DPP10: variants seen among roughly 807,000 people sequenced by gnomAD.
The protein encoded by DPP10 is dipeptidyl peptidase like 10, also known as inactive dipeptidyl peptidase 10.
In DPP10, 33 loss-of-function variants were observed where a neutral mutation model predicts 120.9. That is an observed-to-expected ratio of 0.27 (90% CI 0.21 to 0.37). The LOEUF is 0.37. Among genes scored for constraint, DPP10 ranks in the 10% least tolerant of loss-of-function variants. The pLI, the probability that DPP10 is intolerant of heterozygous loss-of-function variation, is 1.00. For synonymous variants in DPP10, 337 were observed against 326.1 expected, an observed-to-expected ratio of 1.03 and a Z score of -0.36; for missense variants, 816 against 942.8, an observed-to-expected ratio of 0.87 and a Z score of 1.76.
chr2:115,343,860 C>T lies in DPP10; in HGVS notation c.219C>T (p.Asp73=), dbSNP rs1209947001. The T allele has an allele frequency of 1.9e-6, 3 of 1,611,662 alleles. No homozygotes were observed. In the African/African-American group the frequency reaches 4.0e-5, roughly 22 times the overall value. Residue 73 remains aspartate (D), a synonymous_variant, in exon 3 of 26, where the codon GAC becomes GAT. Transcript: ENST00000410059. ...NSSETRLSLE[D]LFRKDFVLHD... ...CAGAAACCAGATTGTCTTTGGAAGA[C>T]CTCTTTAGGAAAGACTTTGTGCTTC...
At chr2:115,268,456 C>G (rs1366150811) in intron 1 of DPP10, among the ~76,000 whole-genome samples, 1 of 152,166 alleles carries the variant, frequency 6.6e-6, no homozygotes, top group Admixed American at 6.5e-5. Flanking sequence ...AAGAAACCAT[C>G]ATGCGACTTC....
Position 114,960,385 on chromosome 2 carries a change from T to TATATAC in DPP10, c.61-348853_61-348852insTATACA, listed in dbSNP as rs1015822193. 1.7e-3 allele frequency among the ~76,000 whole-genome samples: 260 copies of TATATAC among 150,112 alleles called. 5 individuals are homozygous for TATATAC. Among genetic ancestry groups the TATATAC allele is most frequent in the African/African-American group, 6.0e-3 (247 of 41,032 alleles). On this transcript the variant is annotated intron_variant, in intron 1 of 25. Coordinates refer to ENST00000410059, the MANE Select transcript of DPP10 (RefSeq NM_020868.6). Reference sequence around the variant, plus strand: ...ATGTGCGTATATATATATATATATATACTTTTGTTGGATGGAATATGACCA... The same window carrying TATATAC: ...ATGTGCGTATATATATATATATATATATATACACTTTTGTTGGATGGAATATGACCA...
intron 1 of DPP10, among the ~76,000 whole-genome samples, chr2:114,961,350 G>C (rs1698616917): frequency 6.6e-6 from 1 of 151,960 alleles, no homozygotes; most frequent in Non-Finnish European, 1.5e-5. Flanking sequence ...CACTGCGCCT[G>C]GCCCTGTATG....
chr2:115,678,390 G>A (rs945302717), intron 5 of DPP10, among the ~76,000 whole-genome samples: 2 of 152,246 alleles, frequency 1.3e-5, no homozygotes, highest in South Asian at 2.1e-4. Flanking sequence ...AGGGGCCGCG[G>A]CACAGCTCTG....
intron 1 of DPP10, among the ~76,000 whole-genome samples, chr2:114,940,854 TG>T (rs1558901947): frequency 6.6e-6 from 1 of 152,226 alleles, no homozygotes. Context: ...TTCTACTCTC[TG>T]GCCTCTTAAA....
chr2:114,667,077 C>A (rs1213935739), intron 1 of DPP10, among the ~76,000 whole-genome samples: 1 of 152,140 alleles, frequency 6.6e-6, no homozygotes, highest in Non-Finnish European at 1.5e-5. Context: ...AGACACTATG[C>A]AAATGTGTGA....
chr2:115,572,160 A>G (rs1258084395), intron 5 of DPP10, among the ~76,000 whole-genome samples: 4 of 152,180 alleles, frequency 2.6e-5, no homozygotes, highest in Non-Finnish European at 5.9e-5. Flanking sequence ...ACTTAACAAT[A>G]AATGCATTTT....
chr2:114,938,729 C>CTT (rs5833569), intron 1 of DPP10, among the ~76,000 whole-genome samples: 488 of 102,550 alleles, frequency 4.8e-3, no homozygotes, highest in African/African-American at 0.016. Context: ...CACTTTGTCC[C>CTT]TTTTTTTTTT....
At chr2:114,665,249 G>T (rs1474698352) in intron 1 of DPP10, among the ~76,000 whole-genome samples, 1 of 152,202 alleles carries the variant, frequency 6.6e-6, no homozygotes, top group Non-Finnish European at 1.5e-5. Flanking sequence ...CCAAGTTAAA[G>T]AAGTGAGATA....
At chr2:115,825,025 A>G (rs1444202037) in intron 21 of DPP10, among the ~76,000 whole-genome samples, 1 of 152,230 alleles carries the variant, frequency 6.6e-6, no homozygotes. Flanking sequence ...GTCTTTTTAC[A>G]TCCAATTTTA....
intron 1 of DPP10, among the ~76,000 whole-genome samples, chr2:115,133,139 GTGTGTGTA>G (rs70941031): frequency 0.28 from 18,102 of 65,514 alleles, 1,028 homozygotes; most frequent in Non-Finnish European, 0.35. Context: ...GTGTGTGTGT[GTGTGTGTA>G]TATATATATA....
At chr2:114,479,871 A>C (rs544659884) in intron 1 of DPP10, among the ~76,000 whole-genome samples, 1,707 of 152,258 alleles carry the variant, frequency 0.011, 34 homozygotes, top group African/African-American at 0.039. Flanking sequence ...AATGGGATCT[A>C]ATTAAACTAA....
intron 1 of DPP10, among the ~76,000 whole-genome samples, chr2:114,873,656 A>G (rs1690891974): frequency 6.6e-6 from 1 of 152,096 alleles, no homozygotes. Flanking sequence ...TCCTTCATAG[A>G]GAAATGCTGG....
intron 21 of DPP10, among the ~76,000 whole-genome samples, chr2:115,827,447 T>TATATAG (rs1388130768): frequency 4.6e-4 from 58 of 126,806 alleles, no homozygotes; most frequent in South Asian, 4.9e-4. Context: ...TATATATATA[T>TATATAG]GCTCTACAGT....
intron 1 of DPP10, among the ~76,000 whole-genome samples, chr2:114,735,185 A>G (rs942798952): frequency 6.6e-6 from 1 of 152,196 alleles, no homozygotes; most frequent in Non-Finnish European, 1.5e-5. Flanking sequence ...CACAATTCAA[A>G]GCACATAATT....
At chr2:115,382,239 T>A (rs865947430) in intron 3 of DPP10, among the ~76,000 whole-genome samples, 8 of 152,118 alleles carry the variant, frequency 5.3e-5, no homozygotes, top group Admixed American at 6.5e-5. Flanking sequence ...CTCTGAGCCA[T>A]GTGCGGGATA....
intron 1 of DPP10, among the ~76,000 whole-genome samples, chr2:115,029,682 C>A (rs1302602789): frequency 1.3e-5 from 2 of 151,824 alleles, no homozygotes; most frequent in African/African-American, 2.4e-5. Flanking sequence ...TGAATTTTTT[C>A]ATTTTTATCA....
intron 21 of DPP10, among the ~76,000 whole-genome samples, chr2:115,833,849 G>T (rs960450396): frequency 1.3e-5 from 2 of 152,098 alleles, no homozygotes; most frequent in Admixed American, 1.3e-4. Flanking sequence ...GGAAACTTCT[G>T]ACCCCAAGCA....
At chr2:115,623,242 T>A (rs1221369628) in intron 5 of DPP10, among the ~76,000 whole-genome samples, 1 of 152,180 alleles carries the variant, frequency 6.6e-6, no homozygotes, top group African/African-American at 2.4e-5. Flanking sequence ...AAATATTTAT[T>A]TTCTGACCCT....
Sources: allele counts gnomAD v4.1 joint callset (sites outside exome capture counted in the v4.1 genomes callset), GRCh38; gene constraint gnomAD v4.1.1; transcripts MANE v1.5; gene names NCBI Gene and HGNC (gene_info 2026-07-23, HGNC 2026-07-21).